Variants in PEG3 observed in about 807,000 individuals in gnomAD.
PEG3 encodes paternally-expressed gene 3 protein.
In PEG3, 23 loss-of-function variants were observed where a neutral mutation model predicts 35.5. The observed-to-expected ratio is 0.65, with a 90% CI of 0.47 to 0.92. The LOEUF (loss-of-function observed/expected upper bound fraction) is 0.92, where lower values mean the gene tolerates loss of function less well. Among genes scored for constraint, PEG3 ranks in the 40% least tolerant of loss-of-function variants. The probability of loss-of-function intolerance (pLI) is 0.00; values close to 1 mark genes in which losing one functional copy is unlikely to be tolerated. For synonymous variants in PEG3, 707 were observed against 697.0 expected (o/e 1.01, Z -0.23); for missense variants, 1,960 against 1,985.3 (o/e 0.99, Z 0.24).
intron 7 of PEG3, among the ~76,000 whole-genome samples, chr19:56,821,339 G>A (rs1205527768): frequency 1.3e-5 from 2 of 152,152 alleles, no homozygotes; most frequent in Middle Eastern, 3.2e-3. Context: ...CCCTCCTGAG[G>A]ACCAGAAACA....
At position 56,821,660 on chromosome 19, in the gene PEG3, G is replaced by A. The variant is rs149324923; in HGVS notation, c.660C>T (p.Ser220=). 1.2e-6 allele frequency: 2 copies of A among 1,613,888 alleles called. No individual in the cohort carries two copies. The highest frequency in any genetic ancestry group is 2.2e-5 in the East Asian group (1 of 44,870). The change falls in exon 7 of 10, where the codon TCC becomes TCT. Residue 220 remains serine (S), a synonymous_variant. Coordinates refer to ENST00000326441, the MANE Select transcript of PEG3 (RefSeq NM_006210.3). ...GGAAACCTGAGCATACCTGAGATCG[G>A]GACTCATAAGCCCTGGAGTCCCTGT... ...EDDRDSRAYE[S]RSQDAESYQN...
intron 2 of PEG3, among the ~76,000 whole-genome samples, chr19:56,835,687 T>C (rs973725362): frequency 6.6e-6 from 1 of 152,252 alleles, no homozygotes; most frequent in Non-Finnish European, 1.5e-5. Context: ...TCCCAGTACC[T>C]GGCACAAAGT....
rs985275607 is a variant in PEG3 at position 56,840,607 on chromosome 19, G to T, written c.-275C>A. 1 of 152,496 alleles carries T rather than the reference G, an allele frequency of 6.6e-6. No homozygotes were observed. The highest frequency in any genetic ancestry group is 1.5e-5 in the Non-Finnish European group (1 of 68,252). 9.4% of individuals were successfully genotyped at this position (152,496 alleles called of 1,614,324 possible). Reference sequence around the variant, plus strand: ...CTCACCTCAGTGCTGCGCAGCCTCGGGCACGAACAGCCGCCTAGCGCACCC... The same window carrying T: ...CTCACCTCAGTGCTGCGCAGCCTCGTGCACGAACAGCCGCCTAGCGCACCC... On this transcript the variant is annotated 5_prime_UTR_variant, in exon 1 of 10. Coordinates refer to ENST00000326441, the MANE Select transcript of PEG3 (RefSeq NM_006210.3).
chr19:56,832,183 T>C (rs1225981892), intron 2 of PEG3, among the ~76,000 whole-genome samples: 3 of 152,212 alleles, frequency 2.0e-5, no homozygotes, highest in East Asian at 1.9e-4. Flanking sequence ...AAACTGAATA[T>C]AAAAATGTAA....
At chr19:56,828,620 C>G (rs2061283043) in intron 2 of PEG3, among the ~76,000 whole-genome samples, 2 of 151,966 alleles carry the variant, frequency 1.3e-5, no homozygotes, top group Non-Finnish European at 2.9e-5. Context: ...TAAAAACCAA[C>G]CAAAATAAAA....
rs760253824 is a variant in PEG3 at position 56,823,692 on chromosome 19, C to T, written c.395-13G>A. 6.8e-6 allele frequency: 11 copies of T among 1,614,006 alleles called. No individual in the cohort carries two copies. The highest frequency in any genetic ancestry group is 4.0e-5 in the African/African-American group (3 of 74,918). On this transcript the variant is annotated splice_polypyrimidine_tract_variant and intron_variant, in intron 4 of 9. Transcript: ENST00000326441. ...CTGTTGTTGTCGTCTAAGAGGACAC[C>T]GGTCGCCAAGTTACTATCTCTGGCC...
intron 1 of PEG3, among the ~76,000 whole-genome samples, chr19:56,838,895 G>T (rs982858172): frequency 6.6e-6 from 1 of 152,124 alleles, no homozygotes. Flanking sequence ...AACCGCAGCC[G>T]CCCCGATCAA....
Position 56,815,908 on chromosome 19 carries a change from C to T in PEG3, c.2534G>A (p.Arg845Lys). 1 of 1,611,840 alleles carries T rather than the reference C, an allele frequency of 6.2e-7. No homozygotes were observed. The highest frequency in any genetic ancestry group is 8.5e-7 in the Non-Finnish European group (1 of 1,178,888). The change falls in exon 10 of 10, where the codon AGA (arginine) becomes AAA (lysine). Residue 845 changes from arginine to lysine, a missense_variant. Physicochemically the swap from Arg to Lys is conservative, Grantham distance 26. Coordinates refer to ENST00000326441, the MANE Select transcript of PEG3 (RefSeq NM_006210.3). The stretch of plus-strand genomic sequence containing the variant: ...CACCAATTCATTTCCATTGTGACTT[C>T]TTGGAGGTTTGGAAGCCACTAAGCT... ...IHSLVASKPP[R>K]SHNGNELVES...
Position 56,812,664 on chromosome 19 carries a change from A to G in PEG3, c.*1011T>C. The G allele has an allele frequency of 2.0e-6, 2 of 985,770 alleles. No homozygotes were observed. The highest frequency in any genetic ancestry group is 2.4e-6 in the Non-Finnish European group (2 of 829,904). The allele number at this position is 985,770 out of a possible 1,614,324, so 61.1% of individuals were successfully genotyped here. On this transcript the variant is annotated 3_prime_UTR_variant, in exon 10 of 10. Coordinates refer to ENST00000326441, the MANE Select transcript of PEG3 (RefSeq NM_006210.3). ...ATTAGCCTGCAACATTATTTACAGC[A>G]TGAGAGCCTCTCCTACGGTTCTCAA...
Position 56,810,356 on chromosome 19 carries a change from GAAACA to G in PEG3, c.*3314_*3318del. ...AGAATGATGACCTTTCAAGGAAACC[GAAACA>G]AAATAACCATAATCCCACAACAACC... On this transcript the variant is annotated 3_prime_UTR_variant, in exon 10 of 10. Coordinates refer to ENST00000326441, the MANE Select transcript of PEG3 (RefSeq NM_006210.3). 1.0e-6 allele frequency: 1 copy of G among 985,268 alleles called. No homozygotes were observed. The highest frequency in any genetic ancestry group is 6.2e-5 in the Admixed American group (1 of 16,260). 61.0% of individuals were successfully genotyped at this position (985,268 alleles called of 1,614,324 possible). A position where few individuals can be genotyped will look rare whatever the true frequency, so the allele number is the denominator to read the frequency against.
Position 56,814,341 on chromosome 19 carries a change from T to C in PEG3, c.4101A>G (p.Ala1367=), listed in dbSNP as rs781142818. Reference sequence around the variant, plus strand: ...CTTCAACTTCCTGGGCTGCTGCTGCTGCAGCTGCTGCTGCTTCATCTTCTT... The same window carrying C: ...CTTCAACTTCCTGGGCTGCTGCTGCCGCAGCTGCTGCTGCTTCATCTTCTT... ...EEEEDEAAAA[A]AAAAQEVEAN... The change falls in exon 10 of 10, where the codon GCA becomes GCG. Residue 1367 remains alanine, a synonymous_variant. Transcript: ENST00000326441. The surrounding 1 kb of genome is among the most constrained non-coding windows in gnomAD (Gnocchi z 5.8). 1 of 1,612,186 alleles carries C rather than the reference T, an allele frequency of 6.2e-7. No individual in the cohort carries two copies. Among genetic ancestry groups the C allele is most frequent in the East Asian group, 2.2e-5 (1 of 44,854 alleles).
chr19:56,811,989 G>C lies in PEG3; in HGVS notation c.*1686C>G, dbSNP rs723082. 0.28 allele frequency: 273,287 copies of C among 983,876 alleles called. 39,645 individuals are homozygous for C. Among genetic ancestry groups the C allele is most frequent in the Admixed American group, 0.32 (5,257 of 16,242 alleles). The allele number at this position is 983,876 out of a possible 1,614,324, so 60.9% of individuals were successfully genotyped here. On this transcript the variant is annotated 3_prime_UTR_variant, in exon 10 of 10. Transcript: ENST00000326441. Reference sequence around the variant, plus strand: ...ATCTTCCTAAACTTTGACACTCCCTGCATCTTTGACATACTTCCAAGCCCT... The same window carrying C: ...ATCTTCCTAAACTTTGACACTCCCTCCATCTTTGACATACTTCCAAGCCCT...
chr19:56,835,957 AG>A, intron 2 of PEG3, 60 bp downstream of exon 2: 1 of 483,590 alleles, frequency 2.1e-6, no homozygotes, highest in Admixed American at 2.2e-5. Flanking sequence ...TGTCAGAGTA[AG>A]GAAGTGCGGT....
In PEG3 at chr19:56,814,061, G is replaced by T. The variant is rs781298122; in HGVS notation, c.4381C>A (p.Pro1461Thr). The change falls in exon 10 of 10, where the codon CCA (proline) becomes ACA (threonine). Residue 1461 changes from proline to threonine, a missense_variant. Coordinates refer to ENST00000326441, the MANE Select transcript of PEG3 (RefSeq NM_006210.3). This position sits in a 1 kb window ranked among gnomAD's most constrained non-coding sequence, Gnocchi z 5.8. The part of the protein sequence containing the change: ...DEPDGAGIED[P>T]EERAEEPEGK... ...TCTGGCTCTTCAGCTCTTTCTTCTG[G>T]GTCTTCAATACCTGCACCATCTGGC... 1 of 1,614,050 alleles carries T rather than the reference G, an allele frequency of 6.2e-7. No homozygotes were observed. The highest frequency in any genetic ancestry group is 8.5e-7 in the Non-Finnish European group (1 of 1,180,020).
rs1002408347 is a variant in PEG3, at chr19:56,815,344, C to T, written c.3098G>A (p.Cys1033Tyr). 1.2e-6 allele frequency: 2 copies of T among 1,614,204 alleles called. No individual in the cohort carries two copies. The highest frequency in any genetic ancestry group is 1.7e-6 in the Non-Finnish European group (2 of 1,180,040). ...QYAKEQARNK[C>Y]KDFRQFFATS... ...AGCAAAAAATTGTCTGAAGTCCTTA[C>T]ATTTGTTCCGCGCTTGCTCTTTAGC... Residue 1033 changes from cysteine (C) to tyrosine (Y), a missense_variant, in exon 10 of 10, where the codon TGT (cysteine) becomes TAT (tyrosine). Physicochemically the swap from Cys to Tyr is radical, Grantham distance 194. Coordinates refer to ENST00000326441, the MANE Select transcript of PEG3 (RefSeq NM_006210.3).
intron 5 of PEG3, among the ~76,000 whole-genome samples, chr19:56,823,300 C>T (rs779181540): frequency 7.9e-5 from 12 of 152,202 alleles, no homozygotes; most frequent in Admixed American, 2.0e-4. Context: ...CTTTAATGAA[C>T]CTTCCTGAGG....
At chr19:56,831,361 A>G (rs1380847177) in intron 2 of PEG3, among the ~76,000 whole-genome samples, 1 of 152,208 alleles carries the variant, frequency 6.6e-6, no homozygotes, top group Admixed American at 6.5e-5. Flanking sequence ...TTACAGCTAA[A>G]TGGCAAAGGA....
At chr19:56,836,842 C>G (rs1386692874) in intron 1 of PEG3, among the ~76,000 whole-genome samples, 1 of 151,910 alleles carries the variant, frequency 6.6e-6, no homozygotes, top group Admixed American at 6.6e-5. Context: ...GTGGCGCGCG[C>G]CTGTATTCCC....
chr19:56,815,164 T>A lies in PEG3; in HGVS notation c.3278A>T (p.Asp1093Val). 6.2e-7 allele frequency: 1 copy of A among 1,614,016 alleles called. No individual in the cohort carries two copies. Among genetic ancestry groups the A allele is most frequent in the Non-Finnish European group, 8.5e-7 (1 of 1,179,974 alleles). ...GTCATCCTTCTGAGGGTCTTCCATGTCTGAGCCTTGAATGACAGGGTCTTC... is the reference window on the plus strand; with the variant it reads ...GTCATCCTTCTGAGGGTCTTCCATGACTGAGCCTTGAATGACAGGGTCTTC... ...TIEDPVIQGSDMEDPQKDDPD... is the reference protein window; with the variant it reads ...TIEDPVIQGSVMEDPQKDDPD... The change falls in exon 10 of 10, where the codon GAC becomes GTC. Residue 1093 changes from aspartate (D) to valine (V), a missense_variant. Transcript: ENST00000326441.
Sources: allele counts gnomAD v4.1 joint callset (sites outside exome capture counted in the v4.1 genomes callset), GRCh38; gene constraint gnomAD v4.1.1; non-coding constraint Gnocchi (gnomAD v3.1); transcripts MANE v1.5; gene names NCBI Gene and HGNC (gene_info 2026-07-23, HGNC 2026-07-21).